SLC26A8: variants seen among roughly 807,000 people sequenced by gnomAD.
SLC26A8 encodes solute carrier family 26 member 8, also known as testis anion transporter 1.
SLC26A8 carries 70 observed loss-of-function variants against 105.0 expected under a neutral mutation model. The ratio of observed to expected loss-of-function variants is 0.67; its 90% CI spans 0.55 to 0.81. The LOEUF (loss-of-function observed/expected upper bound fraction) is 0.81, where lower values mean the gene tolerates loss of function less well. SLC26A8 is among the 40% of genes least tolerant of loss of function. The pLI is 0.00. For synonymous variants in SLC26A8, 415 were observed against 438.3 expected (o/e 0.95, Z 0.66); for missense variants, 998 against 1,181.8 (o/e 0.84, Z 2.28).
At chr6:36,000,678 T>C (rs1057497411) in intron 3 of SLC26A8, among the ~76,000 whole-genome samples, 1 of 152,228 alleles carries the variant, frequency 6.6e-6, no homozygotes, top group African/African-American at 2.4e-5. Flanking sequence ...CATAGTGTCA[T>C]CCTTTTGATG....
intron 3 of SLC26A8, among the ~76,000 whole-genome samples, chr6:36,005,840 A>G (rs551444628): frequency 1.3e-5 from 2 of 152,294 alleles, no homozygotes; most frequent in South Asian, 4.1e-4. Context: ...TTATTACTGT[A>G]GTGTTTTCAT....
At chr6:35,963,738 T>C (rs557808200) in intron 11 of SLC26A8, among the ~76,000 whole-genome samples, 1 of 152,328 alleles carries the variant, frequency 6.6e-6, no homozygotes, top group East Asian at 1.9e-4. Context: ...GCTTGACATA[T>C]CTGTTACCTA....
intron 11 of SLC26A8, among the ~76,000 whole-genome samples, chr6:35,963,204 A>G (rs1298913891): frequency 1.3e-5 from 2 of 152,180 alleles, no homozygotes; most frequent in Non-Finnish European, 2.9e-5. Flanking sequence ...GAGCAATTTA[A>G]AAGGGAGCAA....
intron 17 of SLC26A8, chr6:35,954,721 G>T: frequency 5.1e-6 from 1 of 197,194 alleles, no homozygotes; most frequent in Non-Finnish European, 1.0e-5. Context: ...GAGGTGCGCG[G>T]ATCACTTGAG....
At position 35,991,901 on chromosome 6, in the gene SLC26A8, C is replaced by A. The variant is rs758061523; in HGVS notation, c.793-93G>T. ...ACTGTAGATTAACCCAAAAAGAAGT[C>A]CCCAAGTAGAGTTTCTGGGTACAAA... is the stretch of plus-strand genomic sequence containing the variant. On this transcript the variant is annotated intron_variant, in intron 6 of 19. Transcript: ENST00000490799. 3.9e-6 allele frequency: 5 copies of A among 1,266,000 alleles called. No individual in the cohort carries two copies. The East Asian group carries it at 8.0e-5, about 20-fold the overall frequency. 78.4% of individuals were successfully genotyped at this position (1,266,000 alleles called of 1,614,324 possible). A position where few individuals can be genotyped will look rare whatever the true frequency, so the allele number is the denominator to read the frequency against.
intron 1 of SLC26A8, among the ~76,000 whole-genome samples, chr6:36,021,398 A>G (rs1335929110): frequency 1.3e-5 from 2 of 152,034 alleles, no homozygotes; most frequent in Non-Finnish European, 2.9e-5. Flanking sequence ...TAATTGTCCA[A>G]TGTACTTCCA....
rs777267187 is a variant in SLC26A8 at position 35,982,160 on chromosome 6, G to A, written c.986C>T (p.Thr329Ile). Residue 329 changes from threonine to isoleucine, a missense_variant, in exon 8 of 20, where the codon ACA becomes ATA. Coordinates refer to ENST00000490799, the MANE Select transcript of SLC26A8 (RefSeq NM_052961.4). Reference sequence around the variant, plus strand: ...GTCAATAAGCGTCTGGCTGGTTTCTGTGGCCATGCTTATCTTGTTTGCAAT... The same window carrying A: ...GTCAATAAGCGTCTGGCTGGTTTCTATGGCCATGCTTATCTTGTTTGCAAT... Reference protein sequence around the residue: ...TVIANKISMATETSQTLIDMI... With the variant: ...TVIANKISMAIETSQTLIDMI... 1.9e-6 allele frequency: 3 copies of A among 1,614,134 alleles called. No homozygotes were observed. The highest frequency in any genetic ancestry group is 2.5e-6 in the Non-Finnish European group (3 of 1,180,034).
chr6:35,986,053 A>C (rs1183205999), intron 7 of SLC26A8, among the ~76,000 whole-genome samples: 1 of 12,832 alleles, frequency 7.8e-5, no homozygotes, highest in African/African-American at 3.0e-4. Context: ...TTTTTTTTTG[A>C]GACGGAGTTT....
intron 19 of SLC26A8, among the ~76,000 whole-genome samples, chr6:35,945,936 C>T (rs777223138): frequency 1.3e-5 from 2 of 152,122 alleles, no homozygotes; most frequent in African/African-American, 4.8e-5. Flanking sequence ...ATATGACACT[C>T]TTCTGCTTTT....
intron 3 of SLC26A8, among the ~76,000 whole-genome samples, chr6:36,004,732 C>T (rs1278619048): frequency 6.6e-6 from 1 of 151,670 alleles, no homozygotes; most frequent in Non-Finnish European, 1.5e-5. Flanking sequence ...TCACTGCAGC[C>T]TCAACCTCCC....
intron 8 of SLC26A8, among the ~76,000 whole-genome samples, chr6:35,978,146 G>GA (rs199662420): frequency 0.056 from 3,710 of 65,714 alleles, 72 homozygotes; most frequent in African/African-American, 0.074. Context: ...AGCACAAGAA[G>GA]AAAAAAAAAA....
At chr6:36,010,026 T>G (rs1298888754) in intron 3 of SLC26A8, among the ~76,000 whole-genome samples, 3 of 152,160 alleles carry the variant, frequency 2.0e-5, no homozygotes, top group Non-Finnish European at 4.4e-5. Flanking sequence ...GAAAAACCAC[T>G]CTGGAAAACA....
intron 2 of SLC26A8, among the ~76,000 whole-genome samples, chr6:36,018,784 A>G (rs531068854): frequency 5.9e-5 from 9 of 152,324 alleles, no homozygotes; most frequent in Admixed American, 1.3e-4. Flanking sequence ...GAACTGTAGG[A>G]CCTAGCTAGT....
chr6:36,004,301 C>A (rs1392759221), intron 3 of SLC26A8, among the ~76,000 whole-genome samples: 1 of 151,876 alleles, frequency 6.6e-6, no homozygotes. Flanking sequence ...GTCTTGAGCT[C>A]CTGGGCTCAA....
chr6:35,977,432 T>C, intron 8 of SLC26A8, 81 bp from the exon 9 acceptor site: 1 of 1,336,504 alleles, frequency 7.5e-7, no homozygotes, highest in Non-Finnish European at 1.0e-6. Flanking sequence ...AACACTGGGC[T>C]GTCCTGATTC....
chr6:35,998,555 CAA>C lies in SLC26A8; in HGVS notation c.446-638_446-637del, dbSNP rs56714506. On this transcript the variant is annotated intron_variant, in intron 4 of 19. Coordinates refer to ENST00000490799, the MANE Select transcript of SLC26A8 (RefSeq NM_052961.4). ...GGGCAACAAGAGCGAAACTCCATCTCAAAAAAAAAAAAAGAAAAGAAAAGAAA... is the reference window on the plus strand; with the variant it reads ...GGGCAACAAGAGCGAAACTCCATCTCAAAAAAAAAAAGAAAAGAAAAGAAA... Among the ~76,000 whole-genome samples, 121 of 118,914 alleles carry C rather than the reference CAA, an allele frequency of 1.0e-3. 1 individual carries two copies. In the East Asian group the frequency reaches 0.019, roughly 19 times the overall value. 78.0% of individuals were successfully genotyped at this position (118,914 alleles called of 152,430 possible). A position where few individuals can be genotyped will look rare whatever the true frequency, so the allele number is the denominator to read the frequency against.
chr6:36,024,519 G>T lies in SLC26A8; in HGVS notation c.-18C>A, dbSNP rs1444399693. On this transcript the variant is annotated 5_prime_UTR_variant, in exon 1 of 20. Coordinates refer to ENST00000490799, the MANE Select transcript of SLC26A8 (RefSeq NM_052961.4). ...AGCGGCTCACCTGGCTCCTTGGCGG[G>T]GGCGGGAGTGCGGGCGCTGGGATCC... 4.6e-6 allele frequency: 2 copies of T among 435,408 alleles called. No homozygotes were observed. Among genetic ancestry groups the T allele is most frequent in the African/African-American group, 2.1e-5 (1 of 48,164 alleles). The allele number at this position is 435,408 out of a possible 1,614,324, so 27.0% of individuals were successfully genotyped here.
intron 3 of SLC26A8, among the ~76,000 whole-genome samples, chr6:36,007,212 A>T (rs851040): frequency 0.43 from 65,570 of 152,116 alleles, 14,263 homozygotes; most frequent in South Asian, 0.56. Context: ...AACAGATGAC[A>T]TGATTGTCAA....
chr6:35,992,648 G>A lies in SLC26A8; in HGVS notation c.654C>T (p.Gly218=), dbSNP rs769914636. The change falls in exon 6 of 20, where the codon GGC becomes GGT. Residue 218 remains glycine (G), a synonymous_variant. Transcript: ENST00000490799. Reference sequence around the variant, plus strand: ...ACTCCGGAAGGTAAGTGGCAATGAAGCCCAAACCCAATACGCCCATTATTA... The same window carrying A: ...ACTCCGGAAGGTAAGTGGCAATGAAACCCAAACCCAATACGCCCATTATTA... ...IQLIMGVLGL[G]FIATYLPESA... is the part of the protein sequence containing the mutation. The A allele has an allele frequency of 1.2e-6, 2 of 1,612,724 alleles. No homozygotes were observed. Among genetic ancestry groups the A allele is most frequent in the Non-Finnish European group, 8.5e-7 (1 of 1,179,596 alleles).
Sources: allele counts gnomAD v4.1 joint callset (sites outside exome capture counted in the v4.1 genomes callset), GRCh38; gene constraint gnomAD v4.1.1; transcripts MANE v1.5; gene names NCBI Gene and HGNC (gene_info 2026-07-23, HGNC 2026-07-21).